The following CCSER1 variants were observed in gnomAD, a reference collection of about 807,000 sequenced individuals.
CCSER1 encodes the protein serine-rich coiled-coil domain-containing protein 1.
A neutral mutation model predicts 82.0 loss-of-function variants in CCSER1; 41 were observed. That is an observed-to-expected ratio of 0.50 (90% CI 0.39 to 0.65). The LOEUF (loss-of-function observed/expected upper bound fraction) is 0.65, where lower values mean the gene tolerates loss of function less well. Ranked by LOEUF, CCSER1 falls within the 30% of genes least tolerant of loss-of-function variation. The pLI, the probability that CCSER1 is intolerant of heterozygous loss-of-function variation, is 0.00. For missense variants in CCSER1, 1,119 were observed against 1,064.2 expected, an observed-to-expected ratio of 1.05 and a Z score of -0.72; for synonymous variants, 414 against 383.9, an observed-to-expected ratio of 1.08 and a Z score of -0.92.
At chr4:90,636,313 C>T (rs1204256766) in intron 6 of CCSER1, among the ~76,000 whole-genome samples, 2 of 151,638 alleles carry the variant, frequency 1.3e-5, no homozygotes, top group Non-Finnish European at 2.9e-5. Flanking sequence ...AAAAGAAATA[C>T]ATATGACAGA....
intron 10 of CCSER1, among the ~76,000 whole-genome samples, chr4:91,399,235 C>T (rs1052142554): frequency 2.0e-5 from 3 of 151,788 alleles, no homozygotes; most frequent in African/African-American, 7.3e-5. Context: ...CTTACTCCTT[C>T]AGAAAATGCT....
chr4:91,146,388 T>C (rs190339187), intron 10 of CCSER1, among the ~76,000 whole-genome samples: 63 of 152,302 alleles, frequency 4.1e-4, no homozygotes, highest in Admixed American at 2.9e-3. Context: ...TTGTTGATCT[T>C]CTTTGTCACC....
At position 90,743,984 on chromosome 4, in the gene CCSER1, C is replaced by A. The variant is rs141412123; in HGVS notation, c.2010+19993C>A. 4.7e-4 allele frequency among the ~76,000 whole-genome samples: 72 copies of A among 152,276 alleles called. 1 individual carries two copies. In the East Asian group the frequency reaches 0.011, roughly 24 times the overall value. On this transcript the variant is annotated intron_variant, in intron 7 of 10. Coordinates refer to ENST00000509176, the MANE Select transcript of CCSER1 (RefSeq NM_001145065.2). ...AAAGTTTCATTTCTCACCATTTCTG[C>A]TACTTTCTTGAATGTGGTGAGTCAT...
chr4:91,318,994 A>C, intron 10 of CCSER1: 2 of 169,874 alleles, frequency 1.2e-5, no homozygotes, highest in Non-Finnish European at 2.6e-5. Flanking sequence ...CACAGGTAGA[A>C]GATGATTTTG....
intron 9 of CCSER1, among the ~76,000 whole-genome samples, chr4:90,956,249 A>G (rs993534781): frequency 6.6e-6 from 1 of 152,222 alleles, no homozygotes; most frequent in Admixed American, 6.5e-5. Flanking sequence ...GCATTATTAT[A>G]CAGTGGTTTC....
chr4:91,149,956 A>T (rs959529804), intron 10 of CCSER1, among the ~76,000 whole-genome samples: 4 of 152,174 alleles, frequency 2.6e-5, no homozygotes, highest in Non-Finnish European at 5.9e-5. Flanking sequence ...TGTCTTGGCA[A>T]TGCAGGCTTT....
chr4:91,261,401 T>C (rs1047797270), intron 10 of CCSER1, among the ~76,000 whole-genome samples: 7 of 152,218 alleles, frequency 4.6e-5, no homozygotes, highest in African/African-American at 1.7e-4. Context: ...TCTTATGACA[T>C]GATTTTAAAT....
At chr4:91,200,254 G>T (rs1735800976) in intron 10 of CCSER1, among the ~76,000 whole-genome samples, 1 of 151,932 alleles carries the variant, frequency 6.6e-6, no homozygotes, top group Admixed American at 6.6e-5. Context: ...AACAAATAAA[G>T]TTATATGTTA....
At chr4:91,210,538 C>T (rs1317409508) in intron 10 of CCSER1, among the ~76,000 whole-genome samples, 1 of 149,848 alleles carries the variant, frequency 6.7e-6, no homozygotes, top group African/African-American at 2.5e-5. Flanking sequence ...TGACAGTACA[C>T]TGTGATTTTT....
chr4:90,542,713 T>C (rs1183645183), intron 5 of CCSER1, among the ~76,000 whole-genome samples: 7 of 152,154 alleles, frequency 4.6e-5, no homozygotes, highest in Admixed American at 4.6e-4. Flanking sequence ...TAAATGTTGT[T>C]GTTGATAATT....
chr4:91,523,393 T>G (rs1156919170), intron 10 of CCSER1, among the ~76,000 whole-genome samples: 1 of 152,206 alleles, frequency 6.6e-6, no homozygotes, highest in Non-Finnish European at 1.5e-5. Flanking sequence ...CCTCATAAAA[T>G]GAGTTAGGGA....
At chr4:90,259,962 A>G (rs1009396617) in intron 1 of CCSER1, among the ~76,000 whole-genome samples, 26 of 152,100 alleles carry the variant, frequency 1.7e-4, no homozygotes, top group African/African-American at 6.3e-4. Context: ...TTTTGCTATT[A>G]GGGTGGTACT....
chr4:90,890,334 C>G (rs930460600), intron 8 of CCSER1, among the ~76,000 whole-genome samples: 2 of 152,128 alleles, frequency 1.3e-5, no homozygotes, highest in Non-Finnish European at 2.9e-5. Flanking sequence ...CTCTAAACTC[C>G]TATCCGGATA....
chr4:91,243,207 A>G (rs773329409), intron 10 of CCSER1, among the ~76,000 whole-genome samples: 35 of 152,166 alleles, frequency 2.3e-4, no homozygotes, highest in Non-Finnish European at 4.7e-4. Context: ...TGGAGGGAGC[A>G]TTTCAACCAG....
At chr4:90,865,518 G>T (rs1765625274) in intron 8 of CCSER1, among the ~76,000 whole-genome samples, 1 of 151,614 alleles carries the variant, frequency 6.6e-6, no homozygotes, top group Non-Finnish European at 1.5e-5. Flanking sequence ...CTTTATTCTT[G>T]TTGGTTTCCT....
chr4:91,117,630 C>T (rs1035159431), intron 10 of CCSER1, among the ~76,000 whole-genome samples: 3 of 152,022 alleles, frequency 2.0e-5, no homozygotes, highest in Non-Finnish European at 2.9e-5. Flanking sequence ...TCGAAAGGTA[C>T]CTCAGTTTTG....
At chr4:91,185,910 C>T (rs1300434876) in intron 10 of CCSER1, among the ~76,000 whole-genome samples, 1 of 152,158 alleles carries the variant, frequency 6.6e-6, no homozygotes, top group Non-Finnish European at 1.5e-5. Flanking sequence ...ACCTCTGATA[C>T]CATCACAGGC....
intron 1 of CCSER1, among the ~76,000 whole-genome samples, chr4:90,223,331 T>C (rs1365329024): frequency 2.0e-5 from 3 of 152,236 alleles, no homozygotes; most frequent in Non-Finnish European, 4.4e-5. Context: ...TTTACTGTTA[T>C]AGATTCAGGG....
intron 1 of CCSER1, among the ~76,000 whole-genome samples, chr4:90,148,377 A>G (rs1726211084): frequency 6.6e-6 from 1 of 152,170 alleles, no homozygotes; most frequent in Admixed American, 6.6e-5. Context: ...TAGTCTCTTG[A>G]AAATATTCAA....
Sources: allele counts gnomAD v4.1 joint callset (sites outside exome capture counted in the v4.1 genomes callset), GRCh38; gene constraint gnomAD v4.1.1; transcripts MANE v1.5; gene names NCBI Gene and HGNC (gene_info 2026-07-23, HGNC 2026-07-21).